Variants in PTPRD observed in about 807,000 individuals in gnomAD.
PTPRD encodes the protein protein tyrosine phosphatase receptor type D.
In PTPRD, 34 loss-of-function variants were observed where a neutral mutation model predicts 214.5. The ratio of observed to expected loss-of-function variants is 0.16; its 90% confidence interval spans 0.12 to 0.21. The LOEUF is 0.21. PTPRD is among the 10% of genes least tolerant of loss of function. The pLI is 1.00. For synonymous variants in PTPRD, 1,128 were observed against 845.7 expected, an observed-to-expected ratio of 1.33 and a Z score of -5.79; for missense variants, 2,545 against 2,398.7, an observed-to-expected ratio of 1.06 and a Z score of -1.27.
At chr9:9,925,519 C>A (rs920792293) in intron 5 of PTPRD, among the ~76,000 whole-genome samples, 12 of 151,798 alleles carry the variant, frequency 7.9e-5, no homozygotes, top group Non-Finnish European at 1.6e-4. Context: ...CTTCACTTCA[C>A]ATTAGTTTTT....
At chr9:9,246,204 C>T (rs1318159163) in intron 9 of PTPRD, among the ~76,000 whole-genome samples, 1 of 152,010 alleles carries the variant, frequency 6.6e-6, no homozygotes, top group African/African-American at 2.4e-5. Context: ...TTGTTGTCCA[C>T]CTGAATTCTG....
intron 5 of PTPRD, among the ~76,000 whole-genome samples, chr9:9,934,654 G>T (rs953850117): frequency 6.6e-6 from 1 of 150,834 alleles, no homozygotes; most frequent in African/African-American, 2.5e-5. Context: ...GGTACAAGGA[G>T]GAACTGGTAC....
intron 35 of PTPRD, among the ~76,000 whole-genome samples, chr9:8,427,605 G>C (rs148799502): frequency 8.1e-4 from 123 of 152,136 alleles, no homozygotes; most frequent in African/African-American, 2.9e-3. Context: ...AACATAACAA[G>C]TGATAATTGC....
At chr9:8,497,756 T>A (rs2097308309) in intron 25 of PTPRD, among the ~76,000 whole-genome samples, 1 of 151,936 alleles carries the variant, frequency 6.6e-6, no homozygotes, top group Non-Finnish European at 1.5e-5. Flanking sequence ...CAGCAATTAA[T>A]AAAGAAAAGC....
At chr9:10,510,837 C>T (rs963256382) in intron 2 of PTPRD, among the ~76,000 whole-genome samples, 1 of 151,996 alleles carries the variant, frequency 6.6e-6, no homozygotes, top group Non-Finnish European at 1.5e-5. Context: ...ATTAACCAAC[C>T]CTTCTTCATC....
At chr9:8,782,826 C>A (rs539015239) in intron 11 of PTPRD, among the ~76,000 whole-genome samples, 1 of 152,170 alleles carries the variant, frequency 6.6e-6, no homozygotes, top group East Asian at 1.9e-4. Flanking sequence ...GAACTCCTGA[C>A]CTCGTGATCT....
intron 11 of PTPRD, among the ~76,000 whole-genome samples, chr9:8,895,201 T>A (rs531251670): frequency 5.4e-4 from 83 of 152,310 alleles, no homozygotes; most frequent in African/African-American, 2.0e-3. Flanking sequence ...GTTGAAAGAA[T>A]GACAATGTTT....
chr9:10,304,068 A>G (rs905464057), intron 3 of PTPRD, among the ~76,000 whole-genome samples: 34 of 152,290 alleles, frequency 2.2e-4, no homozygotes, highest in African/African-American at 7.7e-4. Context: ...ATCCACCACA[A>G]TCAAGGTGGC....
chr9:9,209,697 G>A (rs1021268219), intron 9 of PTPRD, among the ~76,000 whole-genome samples: 53 of 152,192 alleles, frequency 3.5e-4, no homozygotes, highest in African/African-American at 1.2e-3. Context: ...GTGGGTGATG[G>A]CCTCAGAAAG....
chr9:8,409,237 A>C (rs569304356), intron 35 of PTPRD, among the ~76,000 whole-genome samples: 26 of 152,306 alleles, frequency 1.7e-4, no homozygotes, highest in Admixed American at 3.9e-4. Context: ...TAGATGAGGA[A>C]ACTGAGGTAT....
chr9:9,935,379 C>A (rs2088813608), intron 5 of PTPRD, among the ~76,000 whole-genome samples: 1 of 152,080 alleles, frequency 6.6e-6, no homozygotes, highest in Admixed American at 6.6e-5. Context: ...CTTCAGCAGT[C>A]TCAGGATACA....
At chr9:9,663,210 C>G (rs2096653004) in intron 7 of PTPRD, among the ~76,000 whole-genome samples, 2 of 151,164 alleles carry the variant, frequency 1.3e-5, no homozygotes, top group Non-Finnish European at 1.5e-5. Flanking sequence ...CTTTTAATCT[C>G]CACATTACTC....
intron 5 of PTPRD, among the ~76,000 whole-genome samples, chr9:9,931,950 C>T (rs951853969): frequency 2.0e-5 from 3 of 151,818 alleles, no homozygotes; most frequent in Admixed American, 6.6e-5. Flanking sequence ...CTGGGAGGCA[C>T]CCCCCAGCAG....
chr9:9,912,961 T>A (rs866309127), intron 5 of PTPRD, among the ~76,000 whole-genome samples: 3 of 152,188 alleles, frequency 2.0e-5, no homozygotes, highest in Non-Finnish European at 4.4e-5. Context: ...TCTTTCTTTA[T>A]GAATGCAAAT....
intron 3 of PTPRD, among the ~76,000 whole-genome samples, chr9:10,114,565 G>A (rs1563904007): frequency 6.6e-6 from 1 of 151,388 alleles, no homozygotes; most frequent in Admixed American, 6.6e-5. Context: ...GCATATATAT[G>A]CTTGTATTAT....
intron 3 of PTPRD, among the ~76,000 whole-genome samples, chr9:10,171,756 C>T (rs1212413833): frequency 6.6e-6 from 1 of 152,148 alleles, no homozygotes. Context: ...ATCTCCTGAC[C>T]TTGTGATCCA....
chr9:10,417,722 G>C (rs1426616199), intron 2 of PTPRD, among the ~76,000 whole-genome samples: 1 of 151,746 alleles, frequency 6.6e-6, no homozygotes, highest in African/African-American at 2.4e-5. Flanking sequence ...TAGCAAGGAA[G>C]ACCCTTCCCC....
intron 14 of PTPRD, among the ~76,000 whole-genome samples, chr9:8,633,032 T>C (rs753458726): frequency 6.6e-6 from 1 of 151,944 alleles, no homozygotes; most frequent in African/African-American, 2.4e-5. Context: ...TACCATATCC[T>C]GTTTCCTTTC....
Position 10,148,320 on chromosome 9 carries a change from T to C in PTPRD, c.-544-114530A>G, listed in dbSNP as rs554890149. 5.3e-5 allele frequency among the ~76,000 whole-genome samples: 8 copies of C among 152,336 alleles called. No individual in the cohort carries two copies. The South Asian group carries it at 1.4e-3, about 28-fold the overall frequency. ...AAATTGACCTATTAATAATCATTTA[T>C]TCAACTGATAATTTTTAAAGTACAT... On this transcript the variant is annotated intron_variant, in intron 3 of 45. Coordinates refer to ENST00000381196, the MANE Select transcript of PTPRD (RefSeq NM_002839.4).
Sources: allele counts gnomAD v4.1 joint callset (sites outside exome capture counted in the v4.1 genomes callset), GRCh38; gene constraint gnomAD v4.1.1; transcripts MANE v1.5; gene names NCBI Gene and HGNC (gene_info 2026-07-23, HGNC 2026-07-21).